Variants in ANKRD44 observed in about 807,000 individuals in gnomAD.
The protein encoded by ANKRD44 is ankyrin repeat domain 44.
Under a neutral mutation model 116.0 loss-of-function variants are expected in ANKRD44, and 35 were observed. That is an observed-to-expected ratio of 0.30 (90% confidence interval 0.23 to 0.40). ANKRD44 has a LOEUF of 0.40. Among genes scored for constraint, ANKRD44 ranks in the 10% least tolerant of loss-of-function variants. The pLI, the probability that ANKRD44 is intolerant of heterozygous loss-of-function variation, is 1.00. For missense variants in ANKRD44, 1,014 were observed against 1,242.6 expected, an observed-to-expected ratio of 0.82 and a Z score of 2.77; for synonymous variants, 435 against 461.8, an observed-to-expected ratio of 0.94 and a Z score of 0.74.
chr2:197,310,215 C>T (rs1327436297), intron 1 of ANKRD44, among the ~76,000 whole-genome samples: 1 of 151,806 alleles, frequency 6.6e-6, no homozygotes, highest in East Asian at 1.9e-4. Context: ...CTCCCCGGGG[C>T]CCGGGCCGGC....
At chr2:197,128,902 T>G (rs916239412) in intron 4 of ANKRD44, among the ~76,000 whole-genome samples, 4 of 152,158 alleles carry the variant, frequency 2.6e-5, no homozygotes, top group African/African-American at 4.8e-5. Flanking sequence ...CCAATACTTT[T>G]GTAAAATACA....
At chr2:196,982,900 C>A (rs2075811685), downstream of ANKRD44, among the ~76,000 whole-genome samples, 1 of 152,146 alleles carries the variant, frequency 6.6e-6, no homozygotes, top group African/African-American at 2.4e-5. Context: ...AGCTAGAAGC[C>A]ATCATTCTCA....
At chr2:197,230,680 G>T (rs567857479) in intron 1 of ANKRD44, among the ~76,000 whole-genome samples, 1 of 152,126 alleles carries the variant, frequency 6.6e-6, no homozygotes, top group South Asian at 2.1e-4. Flanking sequence ...CTTCATCTCC[G>T]TAGTATCCCA....
chr2:197,200,641 A>G (rs1351596034), intron 1 of ANKRD44, among the ~76,000 whole-genome samples: 1 of 152,118 alleles, frequency 6.6e-6, no homozygotes, highest in Admixed American at 6.6e-5. Flanking sequence ...CTCATGCCCT[A>G]TGCTACCCCC....
At chr2:197,119,418 T>TA (rs1559078596) in intron 8 of ANKRD44, among the ~76,000 whole-genome samples, 1 of 152,050 alleles carries the variant, frequency 6.6e-6, no homozygotes, top group South Asian at 2.1e-4. Flanking sequence ...CAATTAAAAA[T>TA]AAAAAAGCTT....
rs538243412 is a variant in ANKRD44 at position 197,173,541 on chromosome 2, C to T, written c.111+13482G>A. On this transcript the variant is annotated intron_variant, in intron 2 of 27. Transcript: ENST00000282272. The stretch of plus-strand genomic sequence containing the variant: ...TGAATATTACTTTAGGGCACCTTGA[C>T]ACATTTGTTCTCTAGTTTCCCTGCT... Among the ~76,000 whole-genome samples the T allele has an allele frequency of 7.9e-5, 12 of 152,254 alleles. No individual in the cohort carries two copies. In the South Asian group the frequency reaches 2.5e-3, roughly 32 times the overall value.
intron 1 of ANKRD44, among the ~76,000 whole-genome samples, chr2:197,187,591 T>C (rs1441077367): frequency 2.0e-5 from 3 of 151,888 alleles, no homozygotes; most frequent in African/African-American, 7.3e-5. Context: ...CCTGATCCAA[T>C]AGGACCGGTG....
chr2:197,073,225 G>C (rs993947564), intron 16 of ANKRD44, among the ~76,000 whole-genome samples: 2 of 152,206 alleles, frequency 1.3e-5, no homozygotes, highest in African/African-American at 4.8e-5. Flanking sequence ...GACCAGGCCA[G>C]ATGTTTACAA....
At chr2:197,046,829 T>C (rs960466802) in intron 16 of ANKRD44, among the ~76,000 whole-genome samples, 5 of 152,182 alleles carry the variant, frequency 3.3e-5, no homozygotes, top group Non-Finnish European at 7.3e-5. Flanking sequence ...AGTTGAGCCA[T>C]GTTTACACCA....
In ANKRD44 at chr2:197,086,720, T is replaced by C; in HGVS notation, c.1276A>G (p.Ser426Gly). The C allele has an allele frequency of 6.2e-7, 1 of 1,613,966 alleles. No individual in the cohort carries two copies. The highest frequency in any genetic ancestry group is 8.5e-7 in the Non-Finnish European group (1 of 1,179,884). ...GNVECIKLLQ[S>G]SGADFHKKDK... ...TTTTTATGGAAATCTGCTCCGCTGC[T>C]CTGCAAGAGTTTTATACATTCCACA... is the stretch of plus-strand genomic sequence containing the variant. Residue 426 changes from serine (S) to glycine (G), a missense_variant, in exon 13 of 28, where the codon AGC becomes GGC. By Grantham distance (56) the Ser-to-Gly change is moderately conservative (BLOSUM62 0). Coordinates refer to ENST00000282272, the MANE Select transcript of ANKRD44 (RefSeq NM_001195144.2).
chr2:196,973,822 C>T (rs946918150), intron 21 of ANKRD44, among the ~76,000 whole-genome samples: 5 of 152,090 alleles, frequency 3.3e-5, no homozygotes, highest in African/African-American at 9.7e-5. Context: ...ATTCTATTGC[C>T]ATAATTTATT....
At chr2:196,979,572 T>C (rs1254264233) in intron 21 of ANKRD44, among the ~76,000 whole-genome samples, 2 of 141,952 alleles carry the variant, frequency 1.4e-5, no homozygotes, top group African/African-American at 5.2e-5. Flanking sequence ...TTTTTTTTTT[T>C]TTTTTTTTAA....
At chr2:197,241,480 G>T (rs1000345172) in intron 1 of ANKRD44, among the ~76,000 whole-genome samples, 1 of 152,134 alleles carries the variant, frequency 6.6e-6, no homozygotes, top group Non-Finnish European at 1.5e-5. Flanking sequence ...ATGGAAAAAT[G>T]CTGGACTGGT....
chr2:197,300,314 G>C (rs1278506863), intron 1 of ANKRD44, among the ~76,000 whole-genome samples: 2 of 152,086 alleles, frequency 1.3e-5, no homozygotes, highest in African/African-American at 4.8e-5. Flanking sequence ...TTAGTCACCA[G>C]GTTACCTGAA....
chr2:197,021,706 G>C (rs1400946375), intron 17 of ANKRD44, among the ~76,000 whole-genome samples: 1 of 152,172 alleles, frequency 6.6e-6, no homozygotes, highest in Non-Finnish European at 1.5e-5. Flanking sequence ...CAAATGTTAA[G>C]TAAGTTTACA....
chr2:197,128,927 G>C (rs2079036833), intron 4 of ANKRD44, among the ~76,000 whole-genome samples: 1 of 151,902 alleles, frequency 6.6e-6, no homozygotes, highest in Non-Finnish European at 1.5e-5. Context: ...AAAGTAATCA[G>C]TAGAATAATA....
intron 3 of ANKRD44, among the ~76,000 whole-genome samples, chr2:197,138,210 G>A (rs1385763118): frequency 6.6e-6 from 1 of 152,182 alleles, no homozygotes; most frequent in Non-Finnish European, 1.5e-5. Flanking sequence ...AACATTAGCA[G>A]TTCTTATTTC....
Position 196,986,888 on chromosome 2 carries a change from A to G in ANKRD44, c.*2703T>C. The G allele has an allele frequency of 9.1e-6, 9 of 985,410 alleles. No homozygotes were observed. The highest frequency in any genetic ancestry group is 1.1e-5 in the Non-Finnish European group (9 of 829,882). The allele number at this position is 985,410 out of a possible 1,614,324, so 61.0% of individuals were successfully genotyped here. A position where few individuals can be genotyped will look rare whatever the true frequency, so the allele number is the denominator to read the frequency against. ...CATTTACCAGAGTCATTCAACTCCAATTTACATAAGAAAACATTATAGACA... is the reference window on the plus strand; with the variant it reads ...CATTTACCAGAGTCATTCAACTCCAGTTTACATAAGAAAACATTATAGACA... On this transcript the variant is annotated 3_prime_UTR_variant, in exon 28 of 28. Transcript: ENST00000282272.
intron 3 of ANKRD44, among the ~76,000 whole-genome samples, chr2:197,140,676 AT>A (rs1291428334): frequency 3.3e-5 from 5 of 152,108 alleles, no homozygotes; most frequent in African/African-American, 1.2e-4. Context: ...GCACTTAAAC[AT>A]TTGTTAAGAG....
Sources: allele counts gnomAD v4.1 joint callset (sites outside exome capture counted in the v4.1 genomes callset), GRCh38; gene constraint gnomAD v4.1.1; transcripts MANE v1.5; gene names NCBI Gene and HGNC (gene_info 2026-07-23, HGNC 2026-07-21).